PIGV: variants seen among roughly 807,000 people sequenced by gnomAD.
PIGV encodes the protein phosphatidylinositol glycan anchor biosynthesis class V.
PIGV carries 27 observed loss-of-function variants against 39.2 expected under a neutral mutation model. The observed-to-expected ratio is 0.69, with a 90% CI of 0.51 to 0.95. The LOEUF is 0.95. Ranked by LOEUF, PIGV falls within the 40% of genes least tolerant of loss-of-function variation. The probability of loss-of-function intolerance (pLI) is 0.00; values close to 1 mark genes in which losing one functional copy is unlikely to be tolerated. For synonymous variants in PIGV, 232 were observed against 241.7 expected (o/e 0.96, Z 0.37); for missense variants, 523 against 586.4 (o/e 0.89, Z 1.12).
rs368610698 is a variant in PIGV, at chr1:26,798,786, T to C, written c.*942T>C. ...ATAATTTTAAAAAGTTAAAATAATATAAATCAGCTGGGGGAAAAAAGGGTA... is the reference window on the plus strand; with the variant it reads ...ATAATTTTAAAAAGTTAAAATAATACAAATCAGCTGGGGGAAAAAAGGGTA... On this transcript the variant is annotated 3_prime_UTR_variant, in exon 4 of 4. Transcript: ENST00000674202. Among the ~76,000 whole-genome samples the C allele has an allele frequency of 1.1e-3, 170 of 152,222 alleles. No individual in the cohort carries two copies. The highest frequency in any genetic ancestry group is 3.8e-3 in the African/African-American group (157 of 41,540).
In PIGV at chr1:26,794,383, A is replaced by G. The variant is rs142192097; in HGVS notation, c.349A>G (p.Ile117Val). 1.6e-3 allele frequency: 2,625 copies of G among 1,614,180 alleles called. 4 individuals are homozygous for G. Among genetic ancestry groups the G allele is most frequent in the Middle Eastern group, 2.5e-3 (15 of 6,062 alleles). ...GLLSLRSCLLISVASLNFLFF... is the reference protein window; with the variant it reads ...GLLSLRSCLLVSVASLNFLFF... The stretch of plus-strand genomic sequence containing the variant: ...ACTGAGTCTACGCAGTTGCCTGCTG[A>G]TTTCGGTAGCATCACTCAATTTCTT... The change falls in exon 3 of 4, where the codon ATT becomes GTT. Residue 117 changes from isoleucine (I) to valine (V), a missense_variant. Ile to Val is a conservative substitution (Grantham distance 29). Coordinates refer to ENST00000674202, the MANE Select transcript of PIGV (RefSeq NM_017837.4).
chr1:26,795,899 C>T (rs2081377103), intron 3 of PIGV, among the ~76,000 whole-genome samples: 1 of 150,204 alleles, frequency 6.7e-6, no homozygotes, highest in African/African-American at 2.4e-5. Flanking sequence ...CGCTCTGTTG[C>T]CCAGGCTGGA....
At chr1:26,796,188 A>C (rs1206021882) in intron 3 of PIGV, among the ~76,000 whole-genome samples, 3 of 105,498 alleles carry the variant, frequency 2.8e-5, no homozygotes, top group Non-Finnish European at 5.5e-5. Context: ...TTTTTTTTTG[A>C]GACGGAGTCT....
rs1413312020 is a variant in PIGV, at chr1:26,799,805, T to C, written c.*1961T>C. Among the ~76,000 whole-genome samples the C allele has an allele frequency of 6.6e-6, 1 of 152,218 alleles. No homozygotes were observed. Among genetic ancestry groups the C allele is most frequent in the Non-Finnish European group, 1.5e-5 (1 of 68,036 alleles). ...ACCAAGTGCCCTTCTTGGCAAACGATGATCACCCCTGCCCTAGTGTCCCTC... is the reference window on the plus strand; with the variant it reads ...ACCAAGTGCCCTTCTTGGCAAACGACGATCACCCCTGCCCTAGTGTCCCTC... On this transcript the variant is annotated 3_prime_UTR_variant, in exon 4 of 4. Transcript: ENST00000674202.
chr1:26,794,548 T>C lies in PIGV; in HGVS notation c.514T>C (p.Leu172=). 3 of 1,614,196 alleles carry C rather than the reference T, an allele frequency of 1.9e-6. No homozygotes were observed. The highest frequency in any genetic ancestry group is 2.5e-6 in the Non-Finnish European group (3 of 1,180,024). ...VFLAAGYSEA[L]FALLTFSAMG... ...CCTGGCAGCTGGTTACTCAGAAGCT[T>C]TGTTTGCCCTCCTGACATTCAGTGC... The change falls in exon 3 of 4, where the codon TTG becomes CTG. Residue 172 remains leucine, a synonymous_variant. Coordinates refer to ENST00000674202, the MANE Select transcript of PIGV (RefSeq NM_017837.4).
At chr1:26,795,307 G>A in intron 3 of PIGV, 73 bp downstream of exon 3, 2 of 1,543,522 alleles carry the variant, frequency 1.3e-6, no homozygotes, top group South Asian at 1.1e-5. Context: ...AGGGAAGGCA[G>A]CTAACATCTC....
chr1:26,787,265 CTCTTTTTTTTTCT>C (rs2081248942), upstream of PIGV, among the ~76,000 whole-genome samples: 1 of 151,936 alleles, frequency 6.6e-6, no homozygotes, highest in Non-Finnish European at 1.5e-5. Flanking sequence ...TTGAGTTCGC[CTCTTTTTTTTTCT>C]TCTTTTTTTG....
At position 26,800,588 on chromosome 1, in the gene PIGV, T is replaced by C. The variant is rs1158228884; in HGVS notation, c.*2744T>C. Among the ~76,000 whole-genome samples, 1 of 152,202 alleles carries C rather than the reference T, an allele frequency of 6.6e-6. No individual in the cohort carries two copies. The highest frequency in any genetic ancestry group is 1.5e-5 in the Non-Finnish European group (1 of 68,042). ...GTAATATGTGCAGGCTCAAGGGATT[T>C]GAAACTGATTGATTCTTTCAGTAAT... is the stretch of plus-strand genomic sequence containing the variant. On this transcript the variant is annotated 3_prime_UTR_variant, in exon 4 of 4. Coordinates refer to ENST00000674202, the MANE Select transcript of PIGV (RefSeq NM_017837.4).
intron 2 of PIGV, among the ~76,000 whole-genome samples, chr1:26,793,493 C>G (rs1176452489): frequency 6.6e-6 from 1 of 152,218 alleles, no homozygotes; most frequent in African/African-American, 2.4e-5. Context: ...CTAATGCTCT[C>G]TTGGGTTCCC....
upstream of PIGV, among the ~76,000 whole-genome samples, chr1:26,787,269 T>C (rs1200391217): frequency 6.6e-6 from 1 of 151,756 alleles, no homozygotes; most frequent in Non-Finnish European, 1.5e-5. Context: ...GTTCGCCTCT[T>C]TTTTTTTCTT....
At chr1:26,792,102 A>G (rs969989919) in intron 2 of PIGV, among the ~76,000 whole-genome samples, 2 of 152,350 alleles carry the variant, frequency 1.3e-5, no homozygotes, top group Middle Eastern at 3.4e-3. Context: ...TGGTAAGTGT[A>G]AAAAGACATG....
Position 26,798,133 on chromosome 1 carries a change from A to C in PIGV, c.*289A>C. The C allele has an allele frequency of 4.5e-6, 2 of 439,790 alleles. No homozygotes were observed. Among genetic ancestry groups the C allele is most frequent in the Non-Finnish European group, 8.5e-6 (2 of 236,410 alleles). The allele number at this position is 439,790 out of a possible 1,614,324, so 27.2% of individuals were successfully genotyped here. ...TGTCTAGTCAATCAACATAGCAGAGACAGTCTTAAACCTACCATTGACCTG... is the reference window on the plus strand; with the variant it reads ...TGTCTAGTCAATCAACATAGCAGAGCCAGTCTTAAACCTACCATTGACCTG... On this transcript the variant is annotated 3_prime_UTR_variant, in exon 4 of 4. Coordinates refer to ENST00000674202, the MANE Select transcript of PIGV (RefSeq NM_017837.4).
chr1:26,798,194 A>C lies in PIGV; in HGVS notation c.*350A>C, dbSNP rs2081411091. The C allele has an allele frequency of 2.9e-6, 1 of 344,318 alleles. No homozygotes were observed. The highest frequency in any genetic ancestry group is 7.4e-5 in the East Asian group (1 of 13,538). 21.3% of individuals were successfully genotyped at this position (344,318 alleles called of 1,614,324 possible). A position where few individuals can be genotyped will look rare whatever the true frequency, so the allele number is the denominator to read the frequency against. On this transcript the variant is annotated 3_prime_UTR_variant, in exon 4 of 4. Transcript: ENST00000674202. ...TAAATGTCAATTTATTGAAGTGTAAATTTCATCAAAGGCATTAGCTGACAG... is the reference window on the plus strand; with the variant it reads ...TAAATGTCAATTTATTGAAGTGTAACTTTCATCAAAGGCATTAGCTGACAG...
chr1:26,794,968 T>C lies in PIGV; in HGVS notation c.934T>C (p.Trp312Arg), dbSNP rs772709756. The change falls in exon 3 of 4, where the codon TGG becomes CGG. Residue 312 changes from tryptophan (W) to arginine (R), a missense_variant. By Grantham distance (101) the Trp-to-Arg change is moderately radical (BLOSUM62 -3). Transcript: ENST00000674202. ...ATACAGCTATATCCAGGATGTCTAC[T>C]GGAATGTTGGCTTTTTGAAATACTA... is the stretch of plus-strand genomic sequence containing the variant. Reference protein sequence around the residue: ...LIYSYIQDVYWNVGFLKYYEL... With the variant: ...LIYSYIQDVYRNVGFLKYYEL... The C allele has an allele frequency of 6.2e-7, 1 of 1,614,220 alleles. No individual in the cohort carries two copies. Among genetic ancestry groups the C allele is most frequent in the Non-Finnish European group, 8.5e-7 (1 of 1,180,032 alleles).
chr1:26,793,113 C>A (rs2081333799), intron 2 of PIGV, among the ~76,000 whole-genome samples: 1 of 152,194 alleles, frequency 6.6e-6, no homozygotes, highest in Non-Finnish European at 1.5e-5. Flanking sequence ...TACCTTTGTA[C>A]CCTTTTTGCC....
intron 1 of PIGV, 29 bp from the exon 2 acceptor site, chr1:26,790,730 G>C: frequency 9.5e-7 from 1 of 1,054,372 alleles, no homozygotes; most frequent in South Asian, 1.3e-5. Flanking sequence ...TTCACTCGAT[G>C]TGTGACATTT....
rs2081418573 is a variant in PIGV, at chr1:26,798,686, AAC to A, written c.*844_*845del. Among the ~76,000 whole-genome samples the A allele has an allele frequency of 6.6e-6, 1 of 152,272 alleles. No homozygotes were observed. The highest frequency in any genetic ancestry group is 2.1e-4 in the South Asian group (1 of 4,834). ...TGCGCCACTGCGCTCCAGCCTGGGC[AAC>A]AGAGTGAGGCTCTGTCTCAAAAAAA... On this transcript the variant is annotated 3_prime_UTR_variant, in exon 4 of 4. Transcript: ENST00000674202.
Position 26,793,985 on chromosome 1 carries a change from TCCTC to T in PIGV, c.79-125_79-122del. On this transcript the variant is annotated intron_variant, in intron 2 of 3. Coordinates refer to ENST00000674202, the MANE Select transcript of PIGV (RefSeq NM_017837.4). ...GTCATGGACTCCTGGGTTCAAGTAA[TCCTC>T]CCATCTCAGCCTGCCAAAGTGGGGA... The T allele has an allele frequency of 3.6e-6, 3 of 838,708 alleles. No homozygotes were observed. The South Asian group carries it at 4.3e-5, about 12-fold the overall frequency. The allele number at this position is 838,708 out of a possible 1,614,324, so 52.0% of individuals were successfully genotyped here.
intron 2 of PIGV, among the ~76,000 whole-genome samples, 176 bp from the exon 3 acceptor site, chr1:26,793,937 G>C (rs2081345032): frequency 6.6e-6 from 1 of 151,786 alleles, no homozygotes; most frequent in South Asian, 2.1e-4. Context: ...TAGAGACAAG[G>C]TCTTGCTATG....
Sources: gnomAD v4.1 joint callset for allele counts (sites outside exome capture counted in the v4.1 genomes callset) on GRCh38, gnomAD v4.1.1 for gene constraint, MANE v1.5 for transcripts, NCBI Gene and HGNC (gene_info 2026-07-23, HGNC 2026-07-21) for gene names.